The following TRPC4 variants were observed in gnomAD, a reference collection of about 807,000 sequenced individuals.
The protein encoded by TRPC4 is transient receptor potential cation channel subfamily C member 4, also known as short transient receptor potential channel 4.
TRPC4 carries 49 observed loss-of-function variants against 99.4 expected under a neutral mutation model. That is an observed-to-expected ratio of 0.49 (90% CI 0.39 to 0.63). The LOEUF (loss-of-function observed/expected upper bound fraction) is 0.63. Ranked by LOEUF, TRPC4 falls within the 20% of genes least tolerant of loss-of-function variation. The pLI is 0.00. For missense variants in TRPC4, 898 were observed against 1,152.9 expected (o/e 0.78, Z 3.20); for synonymous variants, 454 against 425.9 (o/e 1.07, Z -0.81).
At chr13:37,662,570 TA>T (rs1347143081) in intron 6 of TRPC4, among the ~76,000 whole-genome samples, 1 of 151,994 alleles carries the variant, frequency 6.6e-6, no homozygotes, top group African/African-American at 2.4e-5. Context: ...TCCTCTCTTA[TA>T]GTATACAAGA....
chr13:37,831,884 G>A (rs574295405), intron 1 of TRPC4, among the ~76,000 whole-genome samples: 3 of 152,270 alleles, frequency 2.0e-5, no homozygotes, highest in South Asian at 2.1e-4. Flanking sequence ...AGTCTGGCAG[G>A]AGGGTGGAGT....
At chr13:37,667,266 C>T (rs1489648824) in intron 5 of TRPC4, among the ~76,000 whole-genome samples, 1 of 152,170 alleles carries the variant, frequency 6.6e-6, no homozygotes, top group Non-Finnish European at 1.5e-5. Context: ...CACTGCTCTC[C>T]CTGCCTTAAG....
At chr13:37,652,991 T>C (rs1952100527) in intron 7 of TRPC4, among the ~76,000 whole-genome samples, 2 of 152,054 alleles carry the variant, frequency 1.3e-5, no homozygotes. Context: ...TAACTCCTAG[T>C]CAACATTTGA....
intron 2 of TRPC4, among the ~76,000 whole-genome samples, chr13:37,762,989 G>A (rs567161460): frequency 6.6e-6 from 1 of 151,590 alleles, no homozygotes; most frequent in East Asian, 2.0e-4. Flanking sequence ...TCCTTTATAA[G>A]GTTTCATTTA....
intron 1 of TRPC4, among the ~76,000 whole-genome samples, chr13:37,847,191 C>T (rs1958930899): frequency 6.6e-6 from 1 of 151,966 alleles, no homozygotes; most frequent in Non-Finnish European, 1.5e-5. Context: ...ATCACACGTA[C>T]CTGACAGAAA....
chr13:37,817,172 A>G (rs1340168522), intron 1 of TRPC4, among the ~76,000 whole-genome samples: 1 of 152,158 alleles, frequency 6.6e-6, no homozygotes, highest in Admixed American at 6.6e-5. Flanking sequence ...ACTTCCGCAA[A>G]GTCTCAGGAT....
chr13:37,744,646 C>T (rs767520458), intron 3 of TRPC4, among the ~76,000 whole-genome samples: 3 of 152,076 alleles, frequency 2.0e-5, no homozygotes, highest in Admixed American at 2.0e-4. Context: ...GCAGCCAGGG[C>T]TTATATGGGA....
intron 6 of TRPC4, among the ~76,000 whole-genome samples, chr13:37,655,959 T>C (rs1414421634): frequency 2.0e-5 from 3 of 152,162 alleles, no homozygotes; most frequent in African/African-American, 7.2e-5. Flanking sequence ...ACATTATAAT[T>C]ACTACAGATT....
At chr13:37,654,300 A>G (rs954949487) in intron 7 of TRPC4, among the ~76,000 whole-genome samples, 5 of 152,164 alleles carry the variant, frequency 3.3e-5, no homozygotes, top group Admixed American at 6.5e-5. Context: ...ATAAAATGCT[A>G]CTTGTCTAAG....
intron 5 of TRPC4, among the ~76,000 whole-genome samples, chr13:37,673,261 C>G (rs1952924214): frequency 6.6e-6 from 1 of 151,908 alleles, no homozygotes; most frequent in African/African-American, 2.4e-5. Context: ...CATGTCCCTA[C>G]AAAGGACATG....
At chr13:37,662,620 T>C (rs769800648) in intron 6 of TRPC4, among the ~76,000 whole-genome samples, 1 of 152,206 alleles carries the variant, frequency 6.6e-6, no homozygotes, top group Non-Finnish European at 1.5e-5. Context: ...ACTTTTAAAG[T>C]CACCTACAAA....
At chr13:37,707,346 G>A (rs527912568) in intron 3 of TRPC4, among the ~76,000 whole-genome samples, 3 of 152,160 alleles carry the variant, frequency 2.0e-5, no homozygotes, top group Admixed American at 6.6e-5. Context: ...TCAATATTCA[G>A]TATCACTCTG....
intron 1 of TRPC4, among the ~76,000 whole-genome samples, chr13:37,830,209 C>A (rs1459190546): frequency 6.6e-6 from 1 of 152,032 alleles, no homozygotes; most frequent in Non-Finnish European, 1.5e-5. Flanking sequence ...GATAAGCATG[C>A]TTCAGCACAT....
chr13:37,651,211 AT>A (rs746582538), intron 8 of TRPC4, 53 bp downstream of exon 8: 7 of 1,591,080 alleles, frequency 4.4e-6, no homozygotes, highest in Non-Finnish European at 6.0e-6. Flanking sequence ...GAATACAAAT[AT>A]ATTCAAATAC....
chr13:37,847,196 C>T (rs890211483), intron 1 of TRPC4, among the ~76,000 whole-genome samples: 1 of 152,138 alleles, frequency 6.6e-6, no homozygotes, highest in East Asian at 1.9e-4. Flanking sequence ...ACGTACCTGA[C>T]AGAAATATCT....
rs765537743 is a variant in TRPC4, at chr13:37,746,216, G to A, written c.618C>T (p.Pro206=). The A allele has an allele frequency of 1.9e-6, 3 of 1,613,834 alleles. No individual in the cohort carries two copies. The South Asian group carries it at 3.3e-5, about 18-fold the overall frequency. Reference sequence around the variant, plus strand: ...CTTCGCTTGACAGTGCAATGAGAGAGGGACTGGCCAAGGCCTTGTAGATGT... The same window carrying A: ...CTTCGCTTGACAGTGCAATGAGAGAAGGACTGGCCAAGGCCTTGTAGATGT... ...RLNIYKALAS[P]SLIALSSEDP... is the part of the protein sequence containing the mutation. Residue 206 remains proline, a synonymous_variant, in exon 3 of 11, where the codon CCC becomes CCT. Transcript: ENST00000379705.
rs1349554995 is a variant in TRPC4, at chr13:37,783,154, T to C, written c.180A>G (p.Lys60=). The C allele has an allele frequency of 4.3e-6, 7 of 1,613,416 alleles. No individual in the cohort carries two copies. Among genetic ancestry groups the C allele is most frequent in the Non-Finnish European group, 5.9e-6 (7 of 1,179,746 alleles). ...GAGGATCAATGCAATTAATATTGAT[T>C]TTAAAATAAATTTCAGCTTCCTCTA... ...KSLEEAEIYF[K]ININCIDPLG... Residue 60 remains lysine, a synonymous_variant, in exon 2 of 11, where the codon AAA becomes AAG. Transcript: ENST00000379705.
intron 3 of TRPC4, among the ~76,000 whole-genome samples, chr13:37,732,009 T>C (rs1955253738): frequency 6.6e-6 from 1 of 152,148 alleles, no homozygotes; most frequent in African/African-American, 2.4e-5. Context: ...CAAGGTATTA[T>C]ACAAATGGGT....
At chr13:37,662,699 T>C (rs1043577396) in intron 6 of TRPC4, among the ~76,000 whole-genome samples, 1 of 152,196 alleles carries the variant, frequency 6.6e-6, no homozygotes, top group Non-Finnish European at 1.5e-5. Context: ...CAGCTACTGG[T>C]TAACCGTCTG....
Sources: gnomAD v4.1 joint callset for allele counts (sites outside exome capture counted in the v4.1 genomes callset) on GRCh38, gnomAD v4.1.1 for gene constraint, MANE v1.5 for transcripts, NCBI Gene and HGNC (gene_info 2026-07-23, HGNC 2026-07-21) for gene names.